The following OCA2 variants were observed in gnomAD, a reference collection of about 807,000 sequenced individuals.
OCA2 encodes P protein.
A neutral mutation model predicts 100.2 loss-of-function variants in OCA2; 77 were observed. The observed-to-expected ratio is 0.77, with a 90% CI of 0.64 to 0.93. The LOEUF is 0.93. Ranked by LOEUF, OCA2 falls within the 40% of genes least tolerant of loss-of-function variation. The pLI, the probability that OCA2 is intolerant of heterozygous loss-of-function variation, is 0.00. For missense variants in OCA2, 1,062 were observed against 1,089.1 expected, an observed-to-expected ratio of 0.98 and a Z score of 0.35; for synonymous variants, 432 against 439.2, an observed-to-expected ratio of 0.98 and a Z score of 0.21.
In OCA2 at chr15:27,855,625, A is replaced by G. The variant is rs57390313; in HGVS notation, c.2245-4150T>C. 4.2e-3 allele frequency among the ~76,000 whole-genome samples: 644 copies of G among 152,296 alleles called. 3 individuals carry two copies. The highest frequency in any genetic ancestry group is 0.014 in the African/African-American group (599 of 41,558). ...TTAACACTTATCCCTCCTCCACTGG[A>G]TGGGACCATGTTATCTTGTCTATGC... On this transcript the variant is annotated intron_variant, in intron 21 of 23. Transcript: ENST00000354638.
intron 23 of OCA2, among the ~76,000 whole-genome samples, chr15:27,804,091 A>G (rs2033726124): frequency 6.6e-6 from 1 of 152,216 alleles, no homozygotes; most frequent in African/African-American, 2.4e-5. Context: ...ATTATATCTC[A>G]ACAAGACTGT....
At chr15:28,051,116 T>G (rs750426837) in intron 2 of OCA2, among the ~76,000 whole-genome samples, 3 of 152,136 alleles carry the variant, frequency 2.0e-5, no homozygotes, top group Non-Finnish European at 4.4e-5. Flanking sequence ...CACAGGGATG[T>G]GTTGAAGCAA....
chr15:27,736,237 C>T, the OCA2 span, among the ~76,000 whole-genome samples: 1 of 152,112 alleles, frequency 6.6e-6, no homozygotes, highest in Non-Finnish European at 1.5e-5. Context: ...AGAATTTACT[C>T]CTGCTTCTTG....
chr15:27,876,928 A>G (rs2036815765), intron 19 of OCA2, among the ~76,000 whole-genome samples: 1 of 151,466 alleles, frequency 6.6e-6, no homozygotes, highest in South Asian at 2.1e-4. Flanking sequence ...TCTTCTTCCT[A>G]TGTATTTTAG....
At chr15:27,988,016 G>A (rs1227222417) in intron 11 of OCA2, among the ~76,000 whole-genome samples, 1 of 152,166 alleles carries the variant, frequency 6.6e-6, no homozygotes, top group Non-Finnish European at 1.5e-5. Context: ...AGAGCTGACG[G>A]TGGAGCGTGG....
At chr15:27,967,645 C>T (rs1356266065) in intron 14 of OCA2, among the ~76,000 whole-genome samples, 4 of 152,250 alleles carry the variant, frequency 2.6e-5, no homozygotes, top group Non-Finnish European at 5.9e-5. Flanking sequence ...CAGGGCCCAT[C>T]AGGGCTGGGA....
rs2043268290 is a variant in OCA2, at chr15:28,043,654, T to C, written c.228-11491A>G. Among the ~76,000 whole-genome samples, 1 of 152,132 alleles carries C rather than the reference T, an allele frequency of 6.6e-6. No homozygotes were observed. The highest frequency in any genetic ancestry group is 2.1e-4 in the South Asian group (1 of 4,824). ...AGCCCAGTGTGCAAAGAAATCAGTATTGGAAGGATTGTTTTCAGGCAGAAA... is the reference window on the plus strand; with the variant it reads ...AGCCCAGTGTGCAAAGAAATCAGTACTGGAAGGATTGTTTTCAGGCAGAAA... On this transcript the variant is annotated intron_variant, in intron 2 of 23. Transcript: ENST00000354638. The surrounding 1 kb of genome is among the most constrained non-coding windows in gnomAD (Gnocchi z 4.4).
At chr15:27,963,875 A>C (rs1169916932) in intron 15 of OCA2, among the ~76,000 whole-genome samples, 1 of 152,194 alleles carries the variant, frequency 6.6e-6, no homozygotes, top group Non-Finnish European at 1.5e-5. Flanking sequence ...GAGAGAAGAC[A>C]CAAACTATCA....
intron 3 of OCA2, among the ~76,000 whole-genome samples, chr15:28,030,981 T>C (rs1445694134): frequency 1.3e-5 from 2 of 152,224 alleles, no homozygotes; most frequent in Non-Finnish European, 2.9e-5. Context: ...CCCTCTTCAC[T>C]GTTGATCTTC....
chr15:27,845,933 CA>C (rs1438047128), intron 22 of OCA2, among the ~76,000 whole-genome samples: 1 of 152,174 alleles, frequency 6.6e-6, no homozygotes, highest in Non-Finnish European at 1.5e-5. Flanking sequence ...ACATGAATAA[CA>C]GAGCAGGTGG....
At chr15:27,803,664 G>A (rs2311473) in intron 23 of OCA2, among the ~76,000 whole-genome samples, 83,688 of 152,006 alleles carry the variant, frequency 0.55, 23,482 homozygotes, top group South Asian at 0.76. Context: ...GGATGGTGGC[G>A]ATGGTTGCAC....
At chr15:27,734,940 A>G in the OCA2 span, among the ~76,000 whole-genome samples, 1 of 152,248 alleles carries the variant, frequency 6.6e-6, no homozygotes, top group African/African-American at 2.4e-5. Flanking sequence ...ACATATGACC[A>G]CAAGGATGAA....
rs4438263 is a variant in OCA2, at chr15:27,829,301, A to T, written c.2432+15658T>A. ...AGATGATAGATAGATAGATAGATAG[A>T]TAGATAGATAGATAGAGTGATCAGA... is the stretch of plus-strand genomic sequence containing the variant. On this transcript the variant is annotated intron_variant, in intron 23 of 23. Coordinates refer to ENST00000354638, the MANE Select transcript of OCA2 (RefSeq NM_000275.3). 3.6e-3 allele frequency among the ~76,000 whole-genome samples: 540 copies of T among 151,164 alleles called. 7 individuals carry two copies. The highest frequency in any genetic ancestry group is 0.012 in the African/African-American group (509 of 41,044).
intron 23 of OCA2, among the ~76,000 whole-genome samples, chr15:27,814,883 TATAGATAGATAGATAGATAGATAGATAG>T (rs201567846): frequency 9.8e-6 from 1 of 101,756 alleles, no homozygotes; most frequent in Non-Finnish European, 2.1e-5. Flanking sequence ...ATTCTCTCTC[TATAGATAGATAGATAGATAGATAGATAG>T]ATAGATAGAT....
rs191108096 is a variant in OCA2 at position 27,768,284 on chromosome 15, T to C, written c.2433-12812A>G. Among the ~76,000 whole-genome samples the C allele has an allele frequency of 1.3e-3, 192 of 152,312 alleles. 1 individual carries two copies. Among genetic ancestry groups the C allele is most frequent in the African/African-American group, 4.4e-3 (183 of 41,582 alleles). ...TCTTCTATTACTGAGAAAAGAAATA[T>C]AGCTTTGAGCAGTGTAACTTCTGTG... On this transcript the variant is annotated intron_variant, in intron 23 of 23. Coordinates refer to ENST00000354638, the MANE Select transcript of OCA2 (RefSeq NM_000275.3).
At chr15:27,876,065 C>T (rs182620908) in intron 19 of OCA2, among the ~76,000 whole-genome samples, 6 of 151,900 alleles carry the variant, frequency 3.9e-5, no homozygotes, top group Non-Finnish European at 5.9e-5. Flanking sequence ...GACTGTTGAA[C>T]GGAAAAGGTG....
At chr15:27,742,429 G>A in the OCA2 span, among the ~76,000 whole-genome samples, 1 of 152,290 alleles carries the variant, frequency 6.6e-6, no homozygotes, top group Admixed American at 6.5e-5. Context: ...CATAGGTCAA[G>A]GGAAGGGCCA....
At chr15:27,851,353 C>A (rs756421963) in intron 22 of OCA2, 29 bp downstream of exon 22, 3 of 1,572,966 alleles carry the variant, frequency 1.9e-6, no homozygotes, top group Non-Finnish European at 2.6e-6. Flanking sequence ...GCGTGCACCC[C>A]CACCCCCATG....
intron 19 of OCA2, among the ~76,000 whole-genome samples, chr15:27,895,532 C>A (rs2037651444): frequency 6.6e-6 from 1 of 152,158 alleles, no homozygotes; most frequent in Non-Finnish European, 1.5e-5. Flanking sequence ...GGAACTGGAG[C>A]AAAGGTGACT....
Sources: gnomAD v4.1 joint callset for allele counts (sites outside exome capture counted in the v4.1 genomes callset) on GRCh38, gnomAD v4.1.1 for gene constraint, Gnocchi (gnomAD v3.1) non-coding constraint, MANE v1.5 for transcripts, NCBI Gene and HGNC (gene_info 2026-07-23, HGNC 2026-07-21) for gene names.